Variants in RNF17 observed in about 807,000 individuals in gnomAD.
The protein encoded by RNF17 is spermatogenesis associated 23.
A neutral mutation model predicts 200.5 loss-of-function variants in RNF17; 31 were observed. The ratio of observed to expected loss-of-function variants is 0.15; its 90% CI spans 0.12 to 0.21. The LOEUF (loss-of-function observed/expected upper bound fraction) is 0.21. Ranked by LOEUF, RNF17 falls within the 10% of genes least tolerant of loss-of-function variation. The probability of loss-of-function intolerance (pLI) is 1.00; values close to 1 mark genes in which losing one functional copy is unlikely to be tolerated. For missense variants in RNF17, 1,628 were observed against 1,905.1 expected, an observed-to-expected ratio of 0.85 and a Z score of 2.71; for synonymous variants, 606 against 637.8, an observed-to-expected ratio of 0.95 and a Z score of 0.75.
Position 24,778,147 on chromosome 13 carries a change from A to G in RNF17, c.318-148A>G. 4 of 564,156 alleles carry G rather than the reference A, an allele frequency of 7.1e-6. No individual in the cohort carries two copies. The South Asian group carries it at 8.6e-5, about 12-fold the overall frequency. 34.9% of individuals were successfully genotyped at this position (564,156 alleles called of 1,614,324 possible). ...TGTGGTGGCACATGCCTATGGTCCC[A>G]GCTACTTGGGAGACTGAGGTGGGAT... On this transcript the variant is annotated intron_variant, in intron 3 of 35. Transcript: ENST00000255324.
At chr13:24,750,768 T>A in the RNF17 span, 1 of 152,218 alleles carries the variant, frequency 6.6e-6, no homozygotes, top group Non-Finnish European at 1.5e-5. Flanking sequence ...TTTTCTCTTC[T>A]AGCAGACCTT....
In RNF17 at chr13:24,870,737, C is replaced by T. The variant is rs147986894; in HGVS notation, c.4445C>T (p.Thr1482Ile). 4,638 of 1,613,226 alleles carry T rather than the reference C, an allele frequency of 2.9e-3. 16 individuals carry two copies. The highest frequency in any genetic ancestry group is 3.6e-3 in the Admixed American group (214 of 59,940). ...EALPPLTDFR[T>I]EMPCLAEYDD... ...CTTCCTCCTCTGACGGATTTTAGAA[C>T]AGGTATACTTACTATATTTGAATGA... Residue 1482 changes from threonine (T) to isoleucine (I), a missense_variant and splice_region_variant, in exon 32 of 36, where the codon ACA (threonine) becomes ATA (isoleucine). By Grantham distance (89) the Thr-to-Ile change is moderately conservative. This residue lies in a region of RNF17 where 609 missense variants were observed against 681.9 expected (regional missense o/e 0.89). Transcript: ENST00000255324.
At chr13:24,866,709 T>C (rs1187382357) in intron 30 of RNF17, among the ~76,000 whole-genome samples, 2 of 152,062 alleles carry the variant, frequency 1.3e-5, no homozygotes, top group East Asian at 3.8e-4. Context: ...CTTATGGTGG[T>C]TGCGAGTAAT....
At chr13:24,880,835 T>G (rs1953793080), downstream of RNF17, among the ~76,000 whole-genome samples, 1 of 152,212 alleles carries the variant, frequency 6.6e-6, no homozygotes, top group Non-Finnish European at 1.5e-5. Context: ...ACCAGTTGTC[T>G]GAGTTCCTTG....
chr13:24,866,556 C>T (rs1893642689), intron 30 of RNF17, among the ~76,000 whole-genome samples: 1 of 152,186 alleles, frequency 6.6e-6, no homozygotes, highest in South Asian at 2.1e-4. Flanking sequence ...GCTGGCTTTT[C>T]ACTTAGCATA....
the RNF17 span, chr13:24,751,748 G>A: frequency 6.6e-6 from 1 of 152,010 alleles, no homozygotes. Flanking sequence ...ATTCTTTGAT[G>A]CTTCTGGATT....
At chr13:24,841,513 A>G (rs545948043) in intron 18 of RNF17, among the ~76,000 whole-genome samples, 2 of 152,326 alleles carry the variant, frequency 1.3e-5, no homozygotes, top group African/African-American at 4.8e-5. Context: ...GTAACCTAAA[A>G]TAAAATGTTC....
Position 24,825,849 on chromosome 13 carries a change from A to G in RNF17, c.2245+77A>G, listed in dbSNP as rs1375512653. On this transcript the variant is annotated intron_variant, in intron 16 of 35. Transcript: ENST00000255324. Reference sequence around the variant, plus strand: ...TATCATTTGAGTTGGTACCAATTCAATCTTGGAAGTAATGTTATTTGATCT... The same window carrying G: ...TATCATTTGAGTTGGTACCAATTCAGTCTTGGAAGTAATGTTATTTGATCT... 1.6e-5 allele frequency: 24 copies of G among 1,477,312 alleles called. 1 individual carries two copies. The Middle Eastern group carries it at 5.4e-4, about 33-fold the overall frequency. 91.5% of individuals were successfully genotyped at this position (1,477,312 alleles called of 1,614,324 possible). A position where few individuals can be genotyped will look rare whatever the true frequency, so the allele number is the denominator to read the frequency against.
At chr13:24,808,300 T>A (rs1482495548) in intron 15 of RNF17, among the ~76,000 whole-genome samples, 3 of 152,106 alleles carry the variant, frequency 2.0e-5, no homozygotes, top group Admixed American at 1.3e-4. Context: ...CTTCCATTTG[T>A]TTGTATCCTC....
downstream of RNF17, among the ~76,000 whole-genome samples, chr13:24,881,650 A>T (rs1275659813): frequency 2.0e-5 from 3 of 150,474 alleles, no homozygotes; most frequent in Non-Finnish European, 4.4e-5. Context: ...CTAGATAGAT[A>T]TATCTAGATA....
intron 11 of RNF17, among the ~76,000 whole-genome samples, chr13:24,797,714 G>A (rs894522950): frequency 6.8e-6 from 1 of 146,428 alleles, no homozygotes; most frequent in Non-Finnish European, 1.5e-5. Flanking sequence ...GAGTGTGTGT[G>A]TGTGTGTGTG....
chr13:24,769,489 C>T (rs1043902736), intron 2 of RNF17, among the ~76,000 whole-genome samples: 6 of 152,122 alleles, frequency 3.9e-5, no homozygotes, highest in Non-Finnish European at 7.4e-5. Flanking sequence ...CACTGGTGAG[C>T]TGGGCCCTAT....
intron 11 of RNF17, 151 bp from the exon 12 acceptor site, chr13:24,799,244 A>G: frequency 3.2e-6 from 2 of 615,578 alleles, no homozygotes; most frequent in South Asian, 2.1e-5. Context: ...ATGCTGTATT[A>G]TATCTTTCTT....
chr13:24,881,177 CAG>C (rs1352396503), downstream of RNF17, among the ~76,000 whole-genome samples: 2 of 150,544 alleles, frequency 1.3e-5, no homozygotes, highest in African/African-American at 4.9e-5. Flanking sequence ...TCCTTTGAGA[CAG>C]AGTCCCACTC....
At chr13:24,836,039 A>G (rs566959466) in intron 18 of RNF17, among the ~76,000 whole-genome samples, 1 of 152,360 alleles carries the variant, frequency 6.6e-6, no homozygotes, top group Admixed American at 6.5e-5. Context: ...GGAATTGAAC[A>G]AGTAGAAGAA....
In RNF17 at chr13:24,802,472, G is replaced by C; in HGVS notation, c.1850G>C (p.Gly617Ala). 1 of 1,613,888 alleles carries C rather than the reference G, an allele frequency of 6.2e-7. No individual in the cohort carries two copies. The highest frequency in any genetic ancestry group is 8.5e-7 in the Non-Finnish European group (1 of 1,179,828). Reference sequence around the variant, plus strand: ...ATGAAAGTTTTTAGAGAAGAAGATGGTGTGCTTATTGTAGATCTGCAAAAA... The same window carrying C: ...ATGAAAGTTTTTAGAGAAGAAGATGCTGTGCTTATTGTAGATCTGCAAAAA... The part of the protein sequence containing the change: ...VSMKVFREED[G>A]VLIVDLQKPP... The change falls in exon 14 of 36, where the codon GGT becomes GCT. Residue 617 changes from glycine (G) to alanine (A), a missense_variant. Physicochemically the swap from Gly to Ala is moderately conservative, Grantham distance 60. Around this residue, in one of 5 missense-constraint regions of RNF17, gnomAD observed 289 missense variants for 384.9 expected, o/e 0.75. Transcript: ENST00000255324.
At chr13:24,882,009 T>G (rs866026121), downstream of RNF17, among the ~76,000 whole-genome samples, 16 of 61,814 alleles carry the variant, frequency 2.6e-4, 4 homozygotes, top group African/African-American at 9.2e-4. Context: ...TATATAGATA[T>G]ATAGATACAT....
chr13:24,754,360 G>A, the RNF17 span, among the ~76,000 whole-genome samples: 1 of 152,046 alleles, frequency 6.6e-6, no homozygotes, highest in Admixed American at 6.6e-5. Context: ...TACAGGCCAG[G>A]TCTCACATGT....
chr13:24,793,122 C>T lies in RNF17; in HGVS notation c.1016C>T (p.Thr339Ile), dbSNP rs1011366411. ...NNKKELSCYD[T>I]YPPLEKKKVD... ...AAAAAGGAACTTTCTTGTTACGATA[C>T]ATACCCACCGCTAGAAAAGAAAAAG... The change falls in exon 10 of 36, where the codon ACA becomes ATA. Residue 339 changes from threonine to isoleucine, a missense_variant. Thr to Ile is a moderately conservative substitution (Grantham distance 89). Around this residue, in one of 5 missense-constraint regions of RNF17, gnomAD observed 502 missense variants for 501.7 expected, o/e 1.00. Coordinates refer to ENST00000255324, the MANE Select transcript of RNF17 (RefSeq NM_031277.3). 7 of 1,613,096 alleles carry T rather than the reference C, an allele frequency of 4.3e-6. No individual in the cohort carries two copies. Among genetic ancestry groups the T allele is most frequent in the Non-Finnish European group, 5.9e-6 (7 of 1,179,310 alleles).
Sources: allele counts gnomAD v4.1 joint callset (sites outside exome capture counted in the v4.1 genomes callset), GRCh38; gene constraint gnomAD v4.1.1; regional missense constraint gnomAD v4.1.1; transcripts MANE v1.5; gene names NCBI Gene and HGNC (gene_info 2026-07-23, HGNC 2026-07-21).